Variants in DOCK3 observed in about 807,000 individuals in gnomAD.
The protein encoded by DOCK3 is dedicator of cytokinesis 3.
A neutral mutation model predicts 265.6 loss-of-function variants in DOCK3; 60 were observed. The ratio of observed to expected loss-of-function variants is 0.23; its 90% CI spans 0.18 to 0.28. DOCK3 has a LOEUF of 0.28. DOCK3 is among the 10% of genes least tolerant of loss of function. DOCK3 has a pLI of 1.00. For missense variants in DOCK3, 1,981 were observed against 2,594.3 expected, an observed-to-expected ratio of 0.76 and a Z score of 5.14; for synonymous variants, 881 against 938.0, an observed-to-expected ratio of 0.94 and a Z score of 1.11.
At chr3:51,212,607 G>A (rs924955738) in intron 13 of DOCK3, among the ~76,000 whole-genome samples, 1 of 152,110 alleles carries the variant, frequency 6.6e-6, no homozygotes, top group African/African-American at 2.4e-5. Flanking sequence ...ATAAGTTAGG[G>A]TTATGAGGTG....
chr3:50,787,803 G>A, intron 2 of DOCK3: 1 of 1,113,802 alleles, frequency 9.0e-7, no homozygotes. Flanking sequence ...TGTTATCTGT[G>A]GCCCCTTCCT....
chr3:50,914,048 C>G (rs1265758875), intron 4 of DOCK3, among the ~76,000 whole-genome samples: 1 of 130,626 alleles, frequency 7.7e-6, no homozygotes, highest in African/African-American at 2.6e-5. Context: ...TGTATTGTCT[C>G]TCTTATTTTA....
intron 4 of DOCK3, among the ~76,000 whole-genome samples, chr3:50,901,262 T>G (rs922476724): frequency 1.4e-4 from 22 of 152,164 alleles, no homozygotes; most frequent in Non-Finnish European, 2.5e-4. Flanking sequence ...CTGATGGCTT[T>G]GTTTACACTG....
chr3:50,742,282 A>G (rs913584047), intron 1 of DOCK3, among the ~76,000 whole-genome samples: 1 of 152,224 alleles, frequency 6.6e-6, no homozygotes, highest in Non-Finnish European at 1.5e-5. Flanking sequence ...TCTAAAAAGC[A>G]GAGCGCCTCT....
At chr3:50,795,311 C>T (rs1281155355) in intron 2 of DOCK3, among the ~76,000 whole-genome samples, 2 of 152,108 alleles carry the variant, frequency 1.3e-5, no homozygotes, top group Admixed American at 1.3e-4. Context: ...TGTTCATATC[C>T]TGATATATGT....
intron 5 of DOCK3, among the ~76,000 whole-genome samples, chr3:50,972,583 A>G (rs750781743): frequency 5.9e-5 from 9 of 152,184 alleles, no homozygotes; most frequent in Non-Finnish European, 1.2e-4. Flanking sequence ...CTTAGGAACA[A>G]CATTCCCTGA....
At chr3:50,788,421 A>G (rs756583813) in intron 2 of DOCK3, 4 of 200,472 alleles carry the variant, frequency 2.0e-5, no homozygotes, top group Non-Finnish European at 4.0e-5. Context: ...TGGAAACTGA[A>G]TTCTTCCAGT....
Position 51,338,350 on chromosome 3 carries a change from C to G in DOCK3, c.3612-9C>G, listed in dbSNP as rs936694961. ...CATATCTGGTGCTCATCTGTGCTCTCTCTTCCAGGGACTGCATGAAAGGAG... is the reference window on the plus strand; with the variant it reads ...CATATCTGGTGCTCATCTGTGCTCTGTCTTCCAGGGACTGCATGAAAGGAG... On this transcript the variant is annotated splice_polypyrimidine_tract_variant and intron_variant, in intron 35 of 52. Coordinates refer to ENST00000266037, the MANE Select transcript of DOCK3 (RefSeq NM_004947.5). The G allele has an allele frequency of 3.9e-6, 6 of 1,551,640 alleles. No homozygotes were observed. The highest frequency in any genetic ancestry group is 1.4e-5 in the African/African-American group (1 of 73,162).
intron 2 of DOCK3, among the ~76,000 whole-genome samples, chr3:50,832,874 G>T (rs1435759766): frequency 6.6e-6 from 1 of 152,102 alleles, no homozygotes; most frequent in Non-Finnish European, 1.5e-5. Flanking sequence ...TTTGTCGAGG[G>T]CCGTTCATAG....
At chr3:51,207,918 G>T (rs9869123) in intron 12 of DOCK3, among the ~76,000 whole-genome samples, 138,784 of 152,212 alleles carry the variant, frequency 0.91, 63,414 homozygotes, top group African/African-American at 0.96. Context: ...TTCAAGAGAT[G>T]ACCCTAATCT....
At chr3:50,835,651 TTAAAG>T (rs1224779668) in intron 2 of DOCK3, among the ~76,000 whole-genome samples, 2 of 152,194 alleles carry the variant, frequency 1.3e-5, no homozygotes, top group Non-Finnish European at 2.9e-5. Flanking sequence ...AGGTTTCTCT[TTAAAG>T]TATGCAGTTT....
chr3:51,335,991 CAAAAA>C (rs560859648), intron 35 of DOCK3, among the ~76,000 whole-genome samples: 5 of 58,104 alleles, frequency 8.6e-5, no homozygotes, highest in African/African-American at 2.5e-4. Flanking sequence ...GACCCTGTCT[CAAAAA>C]AAAAAAAAAA....
intron 1 of DOCK3, among the ~76,000 whole-genome samples, chr3:50,694,698 C>G (rs760381720): frequency 2.0e-5 from 3 of 152,150 alleles, no homozygotes; most frequent in Non-Finnish European, 2.9e-5. Context: ...GTAATCCCAG[C>G]TACTTGGGAG....
chr3:50,959,571 A>AT (rs1559863988), intron 5 of DOCK3, among the ~76,000 whole-genome samples: 4 of 144,428 alleles, frequency 2.8e-5, no homozygotes, highest in African/African-American at 5.1e-5. Context: ...TATATATATA[A>AT]AATTTATTTA....
chr3:51,006,181 C>T (rs1482098447), intron 5 of DOCK3, among the ~76,000 whole-genome samples: 1 of 152,054 alleles, frequency 6.6e-6, no homozygotes, highest in African/African-American at 2.4e-5. Flanking sequence ...GTTACAGTCT[C>T]AGCCAGTCTC....
chr3:51,356,871 C>A, intron 43 of DOCK3, 91 bp from the exon 44 acceptor site: 1 of 1,406,318 alleles, frequency 7.1e-7, no homozygotes, highest in Non-Finnish European at 9.5e-7. Context: ...GAAGGGGAAT[C>A]AATACCACAG....
At chr3:50,777,468 T>C (rs1333676511) in intron 1 of DOCK3, among the ~76,000 whole-genome samples, 13 of 152,178 alleles carry the variant, frequency 8.5e-5, no homozygotes, top group Admixed American at 8.5e-4. Flanking sequence ...GATATTTTGA[T>C]GGGAATTGCA....
intron 23 of DOCK3, among the ~76,000 whole-genome samples, chr3:51,269,178 T>C (rs1475973521): frequency 6.8e-6 from 1 of 148,032 alleles, no homozygotes; most frequent in Non-Finnish European, 1.5e-5. Flanking sequence ...AATATACATA[T>C]AATAATATAC....
intron 1 of DOCK3, among the ~76,000 whole-genome samples, chr3:50,742,734 A>G (rs1033171662): frequency 1.4e-4 from 22 of 152,230 alleles, no homozygotes; most frequent in Non-Finnish European, 2.5e-4. Context: ...TGTACCTGAA[A>G]GTGACGGGGA....
Sources: gnomAD v4.1 joint callset for allele counts (sites outside exome capture counted in the v4.1 genomes callset) on GRCh38, gnomAD v4.1.1 for gene constraint, MANE v1.5 for transcripts, NCBI Gene and HGNC (gene_info 2026-07-23, HGNC 2026-07-21) for gene names.